MOK: variants seen among roughly 807,000 people sequenced by gnomAD.
MOK encodes MOK protein kinase, also known as MAPK/MAK/MRK overlapping kinase.
MOK carries 59 observed loss-of-function variants against 54.2 expected under a neutral mutation model. The observed-to-expected ratio is 1.09, with a 90% CI of 0.88 to 1.35. The LOEUF is 1.35. MOK is among the 40% of genes most tolerant of loss of function. The pLI, the probability that MOK is intolerant of heterozygous loss-of-function variation, is 0.00. For synonymous variants in MOK, 210 were observed against 202.7 expected, an observed-to-expected ratio of 1.04 and a Z score of -0.31; for missense variants, 517 against 526.2, an observed-to-expected ratio of 0.98 and a Z score of 0.17.
chr14:102,214,840 A>G, the MOK span: 1 of 983,914 alleles, frequency 1.0e-6, no homozygotes, highest in Non-Finnish European at 1.2e-6. Flanking sequence ...ATTGTTTTAT[A>G]ATTTTAAGGA....
intron 2 of MOK, among the ~76,000 whole-genome samples, chr14:102,270,075 A>T (rs2068232098): frequency 6.6e-6 from 1 of 152,236 alleles, no homozygotes; most frequent in Non-Finnish European, 1.5e-5. Flanking sequence ...TTTACACAAC[A>T]TGTTCTCAGA....
intron 2 of MOK, among the ~76,000 whole-genome samples, chr14:102,281,110 G>C (rs991492503): frequency 6.6e-6 from 1 of 152,112 alleles, no homozygotes; most frequent in African/African-American, 2.4e-5. Context: ...GATCACTTGA[G>C]GTCAGGAGTC....
rs1388855605 is a variant in MOK, at chr14:102,250,969, C to T, written c.433G>A (p.Asp145Asn). ...TAGACACTCCGGCAGGAGCCAAAGTCCCCTAATTTCAGGACATCCTGCTGG... is the reference window on the plus strand; with the variant it reads ...TAGACACTCCGGCAGGAGCCAAAGTTCCCTAATTTCAGGACATCCTGCTGG... ...LIKQDVLKLG[D>N]FGSCRSVYSK... Residue 145 changes from aspartate to asparagine, a missense_variant, in exon 7 of 12, where the codon GAC (aspartate) becomes AAC (asparagine). Transcript: ENST00000361847. The T allele has an allele frequency of 3.1e-6, 5 of 1,613,986 alleles. No individual in the cohort carries two copies. The highest frequency in any genetic ancestry group is 2.7e-5 in the African/African-American group (2 of 75,054).
chr14:102,287,952 A>G (rs1229820628), intron 1 of MOK, among the ~76,000 whole-genome samples: 2 of 149,876 alleles, frequency 1.3e-5, no homozygotes, highest in Non-Finnish European at 1.5e-5. Flanking sequence ...CTCCTGCCTC[A>G]GCCTCCCGAG....
At chr14:102,283,652 T>G (rs1328215384) in intron 1 of MOK, 60 bp from the exon 2 acceptor site, 6 of 1,015,822 alleles carry the variant, frequency 5.9e-6, no homozygotes, top group Non-Finnish European at 8.9e-6. Context: ...TGTATTCACT[T>G]CCAGACAGCA....
intron 1 of MOK, among the ~76,000 whole-genome samples, chr14:102,299,669 T>TC (rs937482284): frequency 6.6e-6 from 1 of 152,058 alleles, no homozygotes; most frequent in African/African-American, 2.4e-5. Flanking sequence ...CACTACAGCC[T>TC]CAAACTCCTG....
chr14:102,292,067 A>C (rs1244432100), intron 1 of MOK, among the ~76,000 whole-genome samples: 1 of 152,134 alleles, frequency 6.6e-6, no homozygotes, highest in African/African-American at 2.4e-5. Context: ...CGTAATCCCT[A>C]GTCTTGAGAA....
At chr14:102,267,069 G>A (rs529856652) in intron 2 of MOK, among the ~76,000 whole-genome samples, 1 of 152,142 alleles carries the variant, frequency 6.6e-6, no homozygotes. Flanking sequence ...ACTTCACCAC[G>A]GTAGGCCCAT....
At chr14:102,216,737 C>T in the MOK span, among the ~76,000 whole-genome samples, 706 of 152,206 alleles carry the variant, frequency 4.6e-3, 6 homozygotes, top group African/African-American at 0.016. Context: ...TGAGACCAGC[C>T]CAGCCATCAT....
intron 7 of MOK, among the ~76,000 whole-genome samples, chr14:102,242,906 A>G (rs1157273062): frequency 6.6e-6 from 1 of 152,098 alleles, no homozygotes; most frequent in Non-Finnish European, 1.5e-5. Context: ...TGCACGCTTC[A>G]TCCCAGCCAC....
chr14:102,302,939 A>C (rs1478172397), intron 1 of MOK, among the ~76,000 whole-genome samples: 2 of 151,332 alleles, frequency 1.3e-5, no homozygotes, highest in African/African-American at 4.8e-5. Context: ...AGGCGGGTGG[A>C]TCGCTTGACG....
chr14:102,226,527 A>C, downstream of MOK: 1 of 688,384 alleles, frequency 1.5e-6, no homozygotes, highest in Non-Finnish European at 2.6e-6. This position sits in a 1 kb window ranked among gnomAD's most constrained non-coding sequence, Gnocchi z 4.8. Flanking sequence ...GGGCCCCGGC[A>C]GCAGGGCAAG....
At chr14:102,272,476 C>CG (rs1332948509) in intron 2 of MOK, among the ~76,000 whole-genome samples, 2 of 147,482 alleles carry the variant, frequency 1.4e-5, no homozygotes, top group Non-Finnish European at 3.0e-5. Context: ...GACTCCATCA[C>CG]GAAAAAAAAA....
intron 2 of MOK, chr14:102,278,804 C>T (rs1236499456): frequency 1.4e-5 from 6 of 421,568 alleles, no homozygotes; most frequent in Non-Finnish European, 2.9e-5. Flanking sequence ...TAGTGAACAA[C>T]TGCGGTAATC....
intron 7 of MOK, among the ~76,000 whole-genome samples, chr14:102,242,204 G>A (rs758533149): frequency 4.6e-5 from 7 of 152,146 alleles, no homozygotes; most frequent in African/African-American, 1.2e-4. Context: ...TAATCAATAC[G>A]GAGCTTACCC....
At chr14:102,233,063 G>A (rs2064884526) in intron 8 of MOK, 1 of 167,448 alleles carries the variant, frequency 6.0e-6, no homozygotes, top group South Asian at 2.0e-4. Context: ...GATCTGTTAT[G>A]CTAAAAATGT....
intron 1 of MOK, among the ~76,000 whole-genome samples, chr14:102,292,627 GTCC>G (rs1487080252): frequency 2.6e-5 from 4 of 151,924 alleles, no homozygotes; most frequent in East Asian, 1.9e-4. Flanking sequence ...TGTGCACCTT[GTCC>G]TCCTGTTACA....
chr14:102,248,044 G>A (rs2066228206), intron 7 of MOK, among the ~76,000 whole-genome samples: 1 of 152,182 alleles, frequency 6.6e-6, no homozygotes, highest in Admixed American at 6.5e-5. Flanking sequence ...ACAGCTCCAA[G>A]AACGGCAGTC....
chr14:102,279,096 G>A (rs151140895), intron 2 of MOK, among the ~76,000 whole-genome samples: 145 of 152,256 alleles, frequency 9.5e-4, no homozygotes, highest in Non-Finnish European at 1.3e-3. Flanking sequence ...TGCTGGTTCC[G>A]ACCTTTAGAG....
Sources: allele counts gnomAD v4.1 joint callset (sites outside exome capture counted in the v4.1 genomes callset), GRCh38; gene constraint gnomAD v4.1.1; non-coding constraint Gnocchi (gnomAD v3.1); transcripts MANE v1.5; gene names NCBI Gene and HGNC (gene_info 2026-07-23, HGNC 2026-07-21).